The following GPR176 variants were observed in gnomAD, a reference collection of about 807,000 sequenced individuals.
GPR176 encodes the protein G-protein coupled receptor 176.
Under a neutral mutation model 35.4 loss-of-function variants are expected in GPR176, and 26 were observed. The ratio of observed to expected loss-of-function variants is 0.74; its 90% CI spans 0.54 to 1.02. The LOEUF is 1.02. GPR176 is among the 50% of genes least tolerant of loss of function. GPR176 has a pLI of 0.00. For synonymous variants in GPR176, 278 were observed against 271.3 expected (o/e 1.02, Z -0.24); for missense variants, 597 against 665.3 (o/e 0.90, Z 1.13).
At chr15:39,836,950 T>TG (rs768240818) in intron 1 of GPR176, among the ~76,000 whole-genome samples, 14 of 152,156 alleles carry the variant, frequency 9.2e-5, no homozygotes, top group Non-Finnish European at 1.6e-4. Context: ...ATCCTATATA[T>TG]GGGGACATCT....
chr15:39,847,742 CAAAAAAAAA>C (rs34896644), intron 1 of GPR176, among the ~76,000 whole-genome samples: 2 of 68,834 alleles, frequency 2.9e-5, no homozygotes, highest in Admixed American at 1.9e-4. Flanking sequence ...GACTCTGTCT[CAAAAAAAAA>C]AAAAAAAAAA....
At chr15:39,862,101 C>A (rs2031621773) in intron 1 of GPR176, 1 of 152,194 alleles carries the variant, frequency 6.6e-6, no homozygotes, top group South Asian at 2.1e-4. Context: ...TGAGAATTCA[C>A]TTCTCCTGGT....
At chr15:39,882,392 G>A (rs146517792) in intron 1 of GPR176, among the ~76,000 whole-genome samples, 156 of 152,292 alleles carry the variant, frequency 1.0e-3, no homozygotes, top group Non-Finnish European at 2.0e-3. Context: ...GATATGCAGA[G>A]TATGCATATC....
chr15:39,915,578 A>G (rs2033705720), intron 1 of GPR176, among the ~76,000 whole-genome samples: 1 of 152,202 alleles, frequency 6.6e-6, no homozygotes, highest in Non-Finnish European at 1.5e-5. Context: ...CTCTATTTAA[A>G]AAATGTTAAA....
At chr15:39,851,388 C>T (rs2030854489) in intron 1 of GPR176, among the ~76,000 whole-genome samples, 1 of 152,066 alleles carries the variant, frequency 6.6e-6, no homozygotes, top group African/African-American at 2.4e-5. Context: ...ATTTTAATAC[C>T]AGAGCAAGAT....
At chr15:39,873,320 A>G (rs2032118333) in intron 1 of GPR176, among the ~76,000 whole-genome samples, 4 of 152,156 alleles carry the variant, frequency 2.6e-5, no homozygotes, top group Non-Finnish European at 4.4e-5. Flanking sequence ...TTTTTACTAC[A>G]CTGTTTCTCA....
chr15:39,837,993 T>TAAAAAAA (rs5812142), intron 1 of GPR176, among the ~76,000 whole-genome samples: 2 of 124,502 alleles, frequency 1.6e-5, no homozygotes, highest in African/African-American at 2.8e-5. Flanking sequence ...CTCCATTAAT[T>TAAAAAAA]AAAAAAAAAA....
intron 1 of GPR176, among the ~76,000 whole-genome samples, chr15:39,914,780 T>C (rs1460228401): frequency 6.6e-6 from 1 of 152,230 alleles, no homozygotes; most frequent in Non-Finnish European, 1.5e-5. Flanking sequence ...TATTATAGTA[T>C]TAACACATCT....
intron 1 of GPR176, among the ~76,000 whole-genome samples, chr15:39,809,648 CATT>C (rs1899415459): frequency 6.6e-6 from 1 of 152,122 alleles, no homozygotes; most frequent in African/African-American, 2.4e-5. Context: ...TATGTATTCC[CATT>C]ATACTTTCTA....
At chr15:39,864,589 TAAAAA>T (rs1468604828) in intron 1 of GPR176, among the ~76,000 whole-genome samples, 1 of 151,694 alleles carries the variant, frequency 6.6e-6, no homozygotes, top group Non-Finnish European at 1.5e-5. Context: ...ACAGAAAACT[TAAAAA>T]AGGAAACCTA....
intron 1 of GPR176, among the ~76,000 whole-genome samples, chr15:39,886,147 C>T (rs1253846591): frequency 6.6e-6 from 1 of 151,978 alleles, no homozygotes; most frequent in Non-Finnish European, 1.5e-5. Context: ...GCAGGAGAAT[C>T]ACTTGAACCC....
chr15:39,837,176 T>A (rs578011429), intron 1 of GPR176, among the ~76,000 whole-genome samples: 1 of 152,326 alleles, frequency 6.6e-6, no homozygotes, highest in South Asian at 2.1e-4. Flanking sequence ...AGTCATCTTT[T>A]AAAGACCAGA....
intron 1 of GPR176, among the ~76,000 whole-genome samples, chr15:39,816,219 T>C (rs1899894797): frequency 6.6e-6 from 1 of 152,206 alleles, no homozygotes; most frequent in South Asian, 2.1e-4. Flanking sequence ...CTGTACAATA[T>C]GGTGACTACA....
chr15:39,884,089 A>G (rs921926377), intron 1 of GPR176, among the ~76,000 whole-genome samples: 8 of 152,236 alleles, frequency 5.3e-5, no homozygotes, highest in African/African-American at 1.9e-4. Flanking sequence ...TCGTGCTCAC[A>G]GAGCTTACCT....
intron 1 of GPR176, among the ~76,000 whole-genome samples, chr15:39,819,277 G>A (rs1336546973): frequency 6.6e-6 from 1 of 152,156 alleles, no homozygotes; most frequent in Non-Finnish European, 1.5e-5. Flanking sequence ...AATTACTCAT[G>A]CAAAAGGCAG....
At chr15:39,830,864 C>T (rs927132939) in intron 1 of GPR176, among the ~76,000 whole-genome samples, 4 of 152,052 alleles carry the variant, frequency 2.6e-5, no homozygotes, top group Non-Finnish European at 4.4e-5. Context: ...GCTAGAAGGC[C>T]TCATCCAAGA....
rs1898804296 is a variant in GPR176, at chr15:39,800,927, T to G, written c.*205A>C. The G allele has an allele frequency of 3.7e-6, 2 of 545,104 alleles. No individual in the cohort carries two copies. Among genetic ancestry groups the G allele is most frequent in the African/African-American group, 1.9e-5 (1 of 52,838 alleles). 33.8% of individuals were successfully genotyped at this position (545,104 alleles called of 1,614,324 possible). On this transcript the variant is annotated 3_prime_UTR_variant, in exon 3 of 3. Coordinates refer to ENST00000561100, the MANE Select transcript of GPR176 (RefSeq NM_007223.3). Reference sequence around the variant, plus strand: ...GGACTTCACTAAGGACATGGATCACTGAGATGGATACATATACTCCCTCAA... The same window carrying G: ...GGACTTCACTAAGGACATGGATCACGGAGATGGATACATATACTCCCTCAA...
intron 1 of GPR176, among the ~76,000 whole-genome samples, chr15:39,904,259 G>C (rs1004540500): frequency 6.6e-6 from 1 of 152,096 alleles, no homozygotes; most frequent in Non-Finnish European, 1.5e-5. Flanking sequence ...TAACTGTCTG[G>C]GAATGCAGCC....
chr15:39,823,828 C>T (rs577750481), intron 1 of GPR176, among the ~76,000 whole-genome samples: 2 of 152,306 alleles, frequency 1.3e-5, no homozygotes, highest in African/African-American at 4.8e-5. Flanking sequence ...AATGGTGCCC[C>T]CTAGAGTACT....
Sources: gnomAD v4.1 joint callset for allele counts (sites outside exome capture counted in the v4.1 genomes callset) on GRCh38, gnomAD v4.1.1 for gene constraint, MANE v1.5 for transcripts, NCBI Gene and HGNC (gene_info 2026-07-23, HGNC 2026-07-21) for gene names.